MTERF4: variants seen among roughly 807,000 people sequenced by gnomAD.
MTERF4 encodes transcription termination factor 4, mitochondrial.
A neutral mutation model predicts 22.5 loss-of-function variants in MTERF4; 17 were observed. The observed-to-expected ratio is 0.75, with a 90% CI of 0.52 to 1.13. The LOEUF (loss-of-function observed/expected upper bound fraction) is 1.13. MTERF4 is among the 50% of genes most tolerant of loss of function. MTERF4 has a pLI of 0.00. For synonymous variants in MTERF4, 165 were observed against 175.3 expected, an observed-to-expected ratio of 0.94 and a Z score of 0.47; for missense variants, 420 against 466.8, an observed-to-expected ratio of 0.90 and a Z score of 0.92.
downstream of MTERF4, among the ~76,000 whole-genome samples, chr2:241,084,402 C>T (rs1441714537): frequency 6.6e-6 from 1 of 152,148 alleles, no homozygotes; most frequent in Non-Finnish European, 1.5e-5. Context: ...GATCCACCCA[C>T]CTTGCCCTCC....
At chr2:241,056,272 ATTGTT>A in the MTERF4 span, among the ~76,000 whole-genome samples, 1 of 152,294 alleles carries the variant, frequency 6.6e-6, no homozygotes, top group South Asian at 2.1e-4. Context: ...AAATGAATAA[ATTGTT>A]TTATTTGTTA....
chr2:241,081,401 T>TC (rs1559309058), intron 4 of MTERF4, among the ~76,000 whole-genome samples: 7 of 152,010 alleles, frequency 4.6e-5, no homozygotes, highest in Non-Finnish European at 5.9e-5. Flanking sequence ...CCCTCCTCCT[T>TC]CTCCTCCTCC....
downstream of MTERF4, chr2:241,071,861 C>T (rs1389240061): frequency 2.5e-6 from 4 of 1,604,480 alleles, no homozygotes; most frequent in African/African-American, 4.0e-5. Context: ...CCCAGCAAAG[C>T]AGCCACCGTG....
chr2:241,054,817 TAAAA>T, the MTERF4 span, among the ~76,000 whole-genome samples: 209 of 152,060 alleles, frequency 1.4e-3, 2 homozygotes, highest in African/African-American at 4.9e-3. Context: ...GATAAATAAA[TAAAA>T]AAGAAAATGT....
the MTERF4 span, chr2:241,063,754 C>T: frequency 7.7e-7 from 1 of 1,303,222 alleles, no homozygotes; most frequent in Non-Finnish European, 1.1e-6. Flanking sequence ...TCTGGAAGAT[C>T]AGAGAGGAGG....
chr2:241,063,807 G>T, the MTERF4 span: 3 of 924,738 alleles, frequency 3.2e-6, no homozygotes, highest in Non-Finnish European at 4.9e-6. Flanking sequence ...CACCTGGGGA[G>T]AGGGACCCCC....
intron 1 of MTERF4, 130 bp downstream of exon 1, chr2:241,102,123 G>A: frequency 1.5e-6 from 2 of 1,302,618 alleles, no homozygotes; most frequent in Non-Finnish European, 2.1e-6. Flanking sequence ...GCCAAAACCA[G>A]GTCAGCGTGC....
chr2:241,082,654 A>C (rs1360489837), downstream of MTERF4, among the ~76,000 whole-genome samples: 1 of 152,126 alleles, frequency 6.6e-6, no homozygotes, highest in Admixed American at 6.5e-5. Flanking sequence ...CCCAGTCCCC[A>C]CTGGATGGCA....
chr2:241,074,606 C>T (rs975811921), exon 5 of MTERF4: 21 of 152,294 alleles, frequency 1.4e-4, no homozygotes, highest in African/African-American at 5.1e-4. Flanking sequence ...CCTGAGGTCA[C>T]CACGGTCATG....
downstream of MTERF4, chr2:241,071,275 A>G: frequency 4.3e-6 from 2 of 469,132 alleles, no homozygotes; most frequent in Non-Finnish European, 7.8e-6. Context: ...CAGCCCCTTG[A>G]GAACTTGAGT....
At chr2:241,061,377 G>A in the MTERF4 span, among the ~76,000 whole-genome samples, 1 of 152,212 alleles carries the variant, frequency 6.6e-6, no homozygotes, top group African/African-American at 2.4e-5. Flanking sequence ...TGAGAATGTG[G>A]ATCAACAAGA....
chr2:241,053,205 C>T, the MTERF4 span: 82 of 1,610,166 alleles, frequency 5.1e-5, no homozygotes, highest in African/African-American at 9.3e-5. Flanking sequence ...TGCGCTTCAA[C>T]GGCACGCGGC....
the MTERF4 span, chr2:241,065,414 C>T: frequency 6.2e-7 from 1 of 1,613,154 alleles, no homozygotes; most frequent in African/African-American, 1.3e-5. Flanking sequence ...GCTACGCGGT[C>T]ACCTACGTCT....
chr2:241,044,056 A>G, the MTERF4 span, among the ~76,000 whole-genome samples: 1 of 152,236 alleles, frequency 6.6e-6, no homozygotes, highest in African/African-American at 2.4e-5. Flanking sequence ...GAAAAATAAT[A>G]ATAAAGAATT....
intron 1 of MTERF4, among the ~76,000 whole-genome samples, chr2:241,101,712 A>T (rs1440292560): frequency 6.6e-6 from 1 of 152,200 alleles, no homozygotes; most frequent in East Asian, 1.9e-4. Flanking sequence ...CTTCCTCTTA[A>T]TGAAAAGTAC....
At chr2:241,071,500 C>T (rs779191132), downstream of MTERF4, 4 of 1,493,638 alleles carry the variant, frequency 2.7e-6, no homozygotes, top group South Asian at 3.6e-5. Context: ...GTGAGGGGCA[C>T]CACCCATGCC....
chr2:241,051,889 C>T, the MTERF4 span: 2 of 1,512,210 alleles, frequency 1.3e-6, no homozygotes, highest in African/African-American at 1.4e-5. This position sits in a 1 kb window ranked among gnomAD's most constrained non-coding sequence, Gnocchi z 4.7. Flanking sequence ...GGGGGGAGGG[C>T]AGGAACGACG....
chr2:241,066,386 A>G, the MTERF4 span, among the ~76,000 whole-genome samples: 1 of 152,330 alleles, frequency 6.6e-6, no homozygotes, highest in African/African-American at 2.4e-5. Flanking sequence ...GGACAGGGGC[A>G]GGGCCGGAAG....
downstream of MTERF4, chr2:241,094,058 C>T: frequency 3.0e-6 from 1 of 328,348 alleles, no homozygotes; most frequent in East Asian, 8.4e-5. This position sits in a 1 kb window ranked among gnomAD's most constrained non-coding sequence, Gnocchi z 4.3. Flanking sequence ...TGGCAGTGAC[C>T]GGGATGCCAC....
Sources: allele counts gnomAD v4.1 joint callset (sites outside exome capture counted in the v4.1 genomes callset), GRCh38; gene constraint gnomAD v4.1.1; non-coding constraint Gnocchi (gnomAD v3.1); transcripts MANE v1.5; gene names NCBI Gene and HGNC (gene_info 2026-07-23, HGNC 2026-07-21).